Variants in LRP5 observed in about 807,000 individuals in gnomAD.
The protein encoded by LRP5 is low-density lipoprotein receptor-related protein 5.
In LRP5, 62 loss-of-function variants were observed where a neutral mutation model predicts 154.1. The observed-to-expected ratio is 0.40, with a 90% CI of 0.33 to 0.50. The LOEUF is 0.50. Among genes scored for constraint, LRP5 ranks in the 20% least tolerant of loss-of-function variants. The pLI, the probability that LRP5 is intolerant of heterozygous loss-of-function variation, is 0.55. For synonymous variants in LRP5, 966 were observed against 1,011.5 expected (o/e 0.96, Z 0.85); for missense variants, 1,915 against 2,336.7 (o/e 0.82, Z 3.72).
chr11:68,299,367 G>A, the LRP5 span, among the ~76,000 whole-genome samples: 3 of 152,184 alleles, frequency 2.0e-5, no homozygotes, highest in East Asian at 1.9e-4. Context: ...GGGGCCCAGC[G>A]TGCTGAAGGC....
At chr11:68,305,551 T>C in the LRP5 span, among the ~76,000 whole-genome samples, 1 of 152,190 alleles carries the variant, frequency 6.6e-6, no homozygotes, top group Non-Finnish European at 1.5e-5. Context: ...CAAGTGATTC[T>C]CCTGCCTCAG....
In LRP5 at chr11:68,365,573, C is replaced by T. The variant is rs1283184456; in HGVS notation, c.886C>T (p.His296Tyr). Reference protein sequence around the residue: ...VLSQERQPFFHTRCEEDNGGC... With the variant: ...VLSQERQPFFYTRCEEDNGGC... ...TCACTCTGTCCTGGTTTTCTCAGTC[C>T]ACACTCGCTGTGAGGAGGACAATGG... Residue 296 changes from histidine to tyrosine, a missense_variant and splice_region_variant, in exon 5 of 23, where the codon CAC (histidine) becomes TAC (tyrosine). His to Tyr is a moderately conservative substitution (Grantham distance 83). Around this residue, in one of 3 missense-constraint regions of LRP5, gnomAD observed 773 missense variants for 1,100.9 expected, o/e 0.70. Coordinates refer to ENST00000294304, the MANE Select transcript of LRP5 (RefSeq NM_002335.4). 1 of 1,613,968 alleles carries T rather than the reference C, an allele frequency of 6.2e-7. No homozygotes were observed. Among genetic ancestry groups the T allele is most frequent in the African/African-American group, 1.3e-5 (1 of 74,998 alleles).
rs1328090952 is a variant in LRP5 at position 68,448,792 on chromosome 11, G to C, written c.4587-17G>C. On this transcript the variant is annotated splice_polypyrimidine_tract_variant and intron_variant, in intron 22 of 22. Coordinates refer to ENST00000294304, the MANE Select transcript of LRP5 (RefSeq NM_002335.4). ...TGTGCCTACCGAATCCCACTCCTCT[G>C]TGTGTGTCCCTTTCAGGCCCTACAT... 5 of 1,602,160 alleles carry C rather than the reference G, an allele frequency of 3.1e-6. No homozygotes were observed. Among genetic ancestry groups the C allele is most frequent in the Non-Finnish European group, 3.4e-6 (4 of 1,179,962 alleles).
intron 14 of LRP5, among the ~76,000 whole-genome samples, chr11:68,424,837 G>C (rs1451411166): frequency 6.6e-6 from 1 of 152,236 alleles, no homozygotes; most frequent in Non-Finnish European, 1.5e-5. Context: ...GTTGGATTTA[G>C]GGCCTACCCT....
the LRP5 span, among the ~76,000 whole-genome samples, chr11:68,299,031 C>T: frequency 3.3e-5 from 5 of 152,218 alleles, no homozygotes; most frequent in Admixed American, 6.5e-5. Flanking sequence ...TCCGCCGTCC[C>T]GATCTTGCCC....
chr11:68,317,268 G>T (rs1157991809), intron 1 of LRP5, among the ~76,000 whole-genome samples: 1 of 152,250 alleles, frequency 6.6e-6, no homozygotes, highest in Non-Finnish European at 1.5e-5. Context: ...TGTCCACCTT[G>T]CCCATGCTGG....
intron 7 of LRP5, among the ~76,000 whole-genome samples, chr11:68,396,728 C>T (rs1465320854): frequency 2.3e-4 from 1 of 4,274 alleles, no homozygotes; most frequent in Non-Finnish European, 7.9e-3. Context: ...CTGACACACA[C>T]AGGGTTTTAG....
intron 2 of LRP5, among the ~76,000 whole-genome samples, chr11:68,348,813 A>G (rs1429993002): frequency 6.6e-6 from 1 of 152,066 alleles, no homozygotes; most frequent in Non-Finnish European, 1.5e-5. Flanking sequence ...GTGTGATGGT[A>G]TGCACCTGTA....
At position 68,348,121 on chromosome 11, in the gene LRP5, G is replaced by C; in HGVS notation, c.366G>C (p.Leu122=). Residue 122 remains leucine (L), a synonymous_variant, in exon 2 of 23, where the codon CTG becomes CTC. Coordinates refer to ENST00000294304, the MANE Select transcript of LRP5 (RefSeq NM_002335.4). ...CCTGCGACTGGGTGGGCAAGAAGCTGTACTGGACGGACTCAGAGACCAACC... is the reference window on the plus strand; with the variant it reads ...CCTGCGACTGGGTGGGCAAGAAGCTCTACTGGACGGACTCAGAGACCAACC... The part of the protein sequence containing the change: ...GLACDWVGKK[L]YWTDSETNRI... 1.2e-6 allele frequency: 2 copies of C among 1,614,150 alleles called. No homozygotes were observed. Among genetic ancestry groups the C allele is most frequent in the Non-Finnish European group, 1.7e-6 (2 of 1,180,042 alleles).
rs141319180 is a variant in LRP5, at chr11:68,338,976, C to T, written c.92-8871C>T. On this transcript the variant is annotated intron_variant, in intron 1 of 22. Coordinates refer to ENST00000294304, the MANE Select transcript of LRP5 (RefSeq NM_002335.4). ...GCAACCTCCGCTTCCTGGGTTCAAG[C>T]GATTCTCCTGCCTCAGCCTCCCGAG... Among the ~76,000 whole-genome samples the T allele has an allele frequency of 6.9e-3, 946 of 137,910 alleles. 16 individuals are homozygous for T. Among genetic ancestry groups the T allele is most frequent in the African/African-American group, 0.024 (897 of 36,692 alleles). 90.5% of individuals were successfully genotyped at this position (137,910 alleles called of 152,430 possible).
At chr11:68,350,429 C>G (rs1300098790) in intron 2 of LRP5, among the ~76,000 whole-genome samples, 1 of 152,236 alleles carries the variant, frequency 6.6e-6, no homozygotes, top group Non-Finnish European at 1.5e-5. Context: ...TCCCTGAAGT[C>G]AGGGCTCTGG....
intron 5 of LRP5, among the ~76,000 whole-genome samples, chr11:68,374,983 C>T (rs567451193): frequency 6.6e-6 from 1 of 152,206 alleles, no homozygotes; most frequent in East Asian, 1.9e-4. Flanking sequence ...TCTTCCATGT[C>T]CCCCTTGTGA....
intron 6 of LRP5, 57 bp from the exon 7 acceptor site, chr11:68,389,824 G>T (rs1278263466): frequency 1.3e-6 from 2 of 1,595,728 alleles, no homozygotes; most frequent in African/African-American, 2.7e-5. Flanking sequence ...TTGGCACTGG[G>T]GATGCTGCAG....
At chr11:68,313,243 T>G (rs1373848606) in intron 1 of LRP5, among the ~76,000 whole-genome samples, 1 of 151,502 alleles carries the variant, frequency 6.6e-6, no homozygotes, top group Admixed American at 6.6e-5. Context: ...CCCCGCGTGC[T>G]CCGAGGACGG....
intron 15 of LRP5, 65 bp downstream of exon 15, chr11:68,425,357 C>T (rs1591312219): frequency 6.6e-7 from 1 of 1,509,512 alleles, no homozygotes; most frequent in East Asian, 2.4e-5. Flanking sequence ...ATGGCAGCAG[C>T]TGCCACATTG....
intron 1 of LRP5, among the ~76,000 whole-genome samples, chr11:68,321,636 C>T (rs4988301): frequency 0.21 from 31,273 of 152,156 alleles, 3,892 homozygotes; most frequent in Non-Finnish European, 0.3. Flanking sequence ...GCCACTCCTG[C>T]TGCCCAACTC....
intron 1 of LRP5, among the ~76,000 whole-genome samples, chr11:68,330,007 A>G (rs909837825): frequency 3.3e-5 from 5 of 152,242 alleles, no homozygotes; most frequent in African/African-American, 4.8e-5. Context: ...CCTTCTAATT[A>G]GTGAAAACGC....
the LRP5 span, among the ~76,000 whole-genome samples, chr11:68,299,492 G>A: frequency 1.7e-5 from 2 of 115,102 alleles, no homozygotes; most frequent in African/African-American, 7.1e-5. Context: ...AGGGTGGAGT[G>A]CTCAGTGTAG....
chr11:68,361,024 G>T (rs1453803136), intron 3 of LRP5, among the ~76,000 whole-genome samples: 4 of 104,916 alleles, frequency 3.8e-5, no homozygotes, highest in Admixed American at 2.2e-4. Context: ...AAAAAAAAAA[G>T]GCTGGGCGCG....
Sources: allele counts gnomAD v4.1 joint callset (sites outside exome capture counted in the v4.1 genomes callset), GRCh38; gene constraint gnomAD v4.1.1; regional missense constraint gnomAD v4.1.1; transcripts MANE v1.5; gene names NCBI Gene and HGNC (gene_info 2026-07-23, HGNC 2026-07-21).